The following USP49 variants were observed in gnomAD, a reference collection of about 807,000 sequenced individuals.
USP49 encodes ubiquitin carboxyl-terminal hydrolase 49.
Under a neutral mutation model 58.6 loss-of-function variants are expected in USP49, and 24 were observed. The observed-to-expected ratio is 0.41, with a 90% CI of 0.30 to 0.58. The LOEUF (loss-of-function observed/expected upper bound fraction) is 0.58, where lower values mean the gene tolerates loss of function less well. USP49 is among the 20% of genes least tolerant of loss of function. USP49 has a pLI of 0.30. For missense variants in USP49, 703 were observed against 866.1 expected (o/e 0.81, Z 2.36); for synonymous variants, 408 against 365.1 (o/e 1.12, Z -1.34).
chr6:41,874,608 C>T (rs1437981229), intron 2 of USP49, among the ~76,000 whole-genome samples: 3 of 152,144 alleles, frequency 2.0e-5, no homozygotes, highest in Non-Finnish European at 4.4e-5. Context: ...CTGTGGCACA[C>T]CTAAGTTCCA....
intron 2 of USP49, among the ~76,000 whole-genome samples, chr6:41,883,361 A>C (rs1355959218): frequency 6.6e-6 from 1 of 151,018 alleles, no homozygotes; most frequent in Non-Finnish European, 1.5e-5. Context: ...CTCAAAAAAA[A>C]AAAAAAAAAA....
rs1292006801 is a variant in USP49 at position 41,841,947 on chromosome 6, C to T, written c.-29+29617G>A. Among the ~76,000 whole-genome samples the T allele has an allele frequency of 2.6e-5, 4 of 152,090 alleles. No individual in the cohort carries two copies. In the East Asian group the frequency reaches 7.7e-4, roughly 29 times the overall value. On this transcript the variant is annotated intron_variant, in intron 3 of 7. Transcript: ENST00000682992. ...TGGCGCCCGCCTGTAATCCCAGCTACTCAGGAGGCTGAGGCAGGAAAATCA... is the reference window on the plus strand; with the variant it reads ...TGGCGCCCGCCTGTAATCCCAGCTATTCAGGAGGCTGAGGCAGGAAAATCA...
At chr6:41,841,235 G>T (rs1426767308) in intron 3 of USP49, among the ~76,000 whole-genome samples, 1 of 151,822 alleles carries the variant, frequency 6.6e-6, no homozygotes, top group Non-Finnish European at 1.5e-5. Flanking sequence ...CTTCCCTTCT[G>T]CTTATCCATT....
At chr6:41,863,894 A>G (rs1346276691) in intron 3 of USP49, among the ~76,000 whole-genome samples, 3 of 151,378 alleles carry the variant, frequency 2.0e-5, no homozygotes, top group African/African-American at 7.3e-5. Context: ...AACAGCTGGG[A>G]TTATAGGCAT....
At position 41,806,645 on chromosome 6, in the gene USP49, A is replaced by C. The variant is rs796076864; in HGVS notation, c.339T>G (p.Arg113=). Residue 113 remains arginine (R), a synonymous_variant, in exon 4 of 8, where the codon CGT becomes CGG. Transcript: ENST00000682992. The surrounding 1 kb of genome is among the most constrained non-coding windows in gnomAD (Gnocchi z 5.9). ...AAGCCATGGACCGCAGCGTCCGCCC[A>C]CGTCTCACCGGCGTGTCCTGTTTCT... ...RGQKQDTPVR[R]GRTLRSMASG... 7.4e-6 allele frequency: 12 copies of C among 1,613,530 alleles called. No individual in the cohort carries two copies. The highest frequency in any genetic ancestry group is 1.0e-5 in the Non-Finnish European group (12 of 1,180,028).
intron 3 of USP49, among the ~76,000 whole-genome samples, chr6:41,811,482 A>G (rs2073468438): frequency 6.6e-6 from 1 of 152,232 alleles, no homozygotes. Flanking sequence ...TAGTATATAT[A>G]GGGTTCGATA....
intron 3 of USP49, among the ~76,000 whole-genome samples, chr6:41,844,302 T>C (rs1350003172): frequency 6.6e-6 from 1 of 152,104 alleles, no homozygotes; most frequent in Admixed American, 6.6e-5. Context: ...CAACTGCGTA[T>C]GTTGCAGTTT....
intron 2 of USP49, among the ~76,000 whole-genome samples, chr6:41,885,225 G>A (rs1774688088): frequency 6.6e-6 from 1 of 152,154 alleles, no homozygotes; most frequent in Admixed American, 6.5e-5. Flanking sequence ...TACTCATTAT[G>A]CCATGCTGCT....
chr6:41,865,850 C>T (rs1460713110), intron 3 of USP49, among the ~76,000 whole-genome samples: 2 of 144,428 alleles, frequency 1.4e-5, no homozygotes, highest in South Asian at 4.5e-4. Flanking sequence ...AACTATGTTG[C>T]CCAGGCTGGT....
chr6:41,845,733 T>C (rs758175784), intron 3 of USP49, among the ~76,000 whole-genome samples: 1 of 147,758 alleles, frequency 6.8e-6, no homozygotes, highest in Non-Finnish European at 1.5e-5. Context: ...GTAAATGTCC[T>C]TTAAATAATT....
chr6:41,882,440 A>C (rs902293645), intron 2 of USP49, among the ~76,000 whole-genome samples: 1 of 152,260 alleles, frequency 6.6e-6, no homozygotes, highest in Admixed American at 6.5e-5. Flanking sequence ...TCCAACCTAT[A>C]CCACATCCAA....
chr6:41,884,591 G>C (rs114603190), intron 2 of USP49, among the ~76,000 whole-genome samples: 1 of 152,162 alleles, frequency 6.6e-6, no homozygotes, highest in African/African-American at 2.4e-5. Context: ...TGAACAGAAG[G>C]CCTTTGTACA....
intron 3 of USP49, among the ~76,000 whole-genome samples, chr6:41,822,556 A>C (rs1773469582): frequency 6.6e-6 from 1 of 152,148 alleles, no homozygotes; most frequent in Admixed American, 6.5e-5. Context: ...ATGAATGAAG[A>C]CAACTTTTAG....
chr6:41,801,659 G>C (rs1347774669), intron 5 of USP49, among the ~76,000 whole-genome samples: 1 of 152,182 alleles, frequency 6.6e-6, no homozygotes, highest in Non-Finnish European at 1.5e-5. Context: ...ATAGAGTCAG[G>C]CTTTGTTTCC....
At chr6:41,876,718 G>A (rs991987248) in intron 2 of USP49, among the ~76,000 whole-genome samples, 3 of 152,090 alleles carry the variant, frequency 2.0e-5, no homozygotes, top group Admixed American at 1.3e-4. Context: ...TGCCGTAATC[G>A]AAGTTAAAAC....
chr6:41,866,967 T>TA lies in USP49; in HGVS notation c.-29+4596dup, dbSNP rs368770524. Among the ~76,000 whole-genome samples the TA allele has an allele frequency of 3.9e-5, 6 of 152,050 alleles. No individual in the cohort carries two copies. The South Asian group carries it at 1.2e-3, about 32-fold the overall frequency. On this transcript the variant is annotated intron_variant, in intron 3 of 7. Coordinates refer to ENST00000682992, the MANE Select transcript of USP49 (RefSeq NM_001286554.2). ...GAGATTCTCAAACAAGGGAAAGGGG[T>TA]AAAAAAAGATGGAGAGAAAAAGAGA...
intron 3 of USP49, among the ~76,000 whole-genome samples, chr6:41,831,059 C>A (rs1385911870): frequency 6.6e-6 from 1 of 151,994 alleles, no homozygotes; most frequent in Admixed American, 6.6e-5. Context: ...GAGTTCAAGA[C>A]CAGCCTGGCT....
At chr6:41,849,237 TA>T (rs1262041233) in intron 3 of USP49, among the ~76,000 whole-genome samples, 1 of 151,984 alleles carries the variant, frequency 6.6e-6, no homozygotes. Flanking sequence ...GATAAAAGGG[TA>T]AACCAGGAAG....
chr6:41,801,423 A>C (rs1190164971), intron 5 of USP49, among the ~76,000 whole-genome samples: 2 of 152,254 alleles, frequency 1.3e-5, no homozygotes, highest in Non-Finnish European at 2.9e-5. Flanking sequence ...GTAACTTCTC[A>C]TAATAGACTG....
Sources: gnomAD v4.1 joint callset for allele counts (sites outside exome capture counted in the v4.1 genomes callset) on GRCh38, gnomAD v4.1.1 for gene constraint, Gnocchi (gnomAD v3.1) non-coding constraint, MANE v1.5 for transcripts, NCBI Gene and HGNC (gene_info 2026-07-23, HGNC 2026-07-21) for gene names.